The following TUBA4B variants were observed in gnomAD, a reference collection of about 807,000 sequenced individuals.
TUBA4B encodes the protein tubulin-like protein alpha-4B.
TUBA4B carries 13 observed loss-of-function variants against 18.4 expected under a neutral mutation model. The ratio of observed to expected loss-of-function variants is 0.71; its 90% CI spans 0.46 to 1.12. The LOEUF (loss-of-function observed/expected upper bound fraction) is 1.12, where lower values mean the gene tolerates loss of function less well. TUBA4B is among the 50% of genes most tolerant of loss of function. TUBA4B has a pLI of 0.00. For missense variants in TUBA4B, 244 were observed against 250.0 expected, an observed-to-expected ratio of 0.98 and a Z score of 0.16; for synonymous variants, 101 against 99.1, an observed-to-expected ratio of 1.02 and a Z score of -0.11.
chr2:219,253,944 T>G, intron 1 of TUBA4B: 2 of 987,508 alleles, frequency 2.0e-6, no homozygotes, highest in Non-Finnish European at 1.3e-6. Context: ...GCACCGCCCT[T>G]ATAGGCGGGG....
At chr2:219,262,805 C>G (rs1951767473) in intron 1 of TUBA4B, among the ~76,000 whole-genome samples, 1 of 152,080 alleles carries the variant, frequency 6.6e-6, no homozygotes, top group Non-Finnish European at 1.5e-5. Flanking sequence ...CTTTGGGAGG[C>G]CAAGGTGGGC....
intron 2 of TUBA4B, 37 bp from the exon 3 acceptor site, chr2:219,270,165 C>T (rs1951816706): frequency 1.4e-6 from 1 of 705,838 alleles, no homozygotes; most frequent in Non-Finnish European, 2.6e-6. Context: ...GGAGGTGGGG[C>T]CCAAAACTCT....
At chr2:219,260,607 T>C (rs1174542146) in intron 1 of TUBA4B, among the ~76,000 whole-genome samples, 1 of 152,184 alleles carries the variant, frequency 6.6e-6, no homozygotes, top group African/African-American at 2.4e-5. Flanking sequence ...CTCACCCCAC[T>C]CCCTGCCAAA....
At chr2:219,262,788 C>T (rs568067413) in intron 1 of TUBA4B, among the ~76,000 whole-genome samples, 1 of 152,240 alleles carries the variant, frequency 6.6e-6, no homozygotes, top group South Asian at 2.1e-4. Context: ...CACATGTAAT[C>T]CCAGAACTTT....
At chr2:219,261,035 C>A (rs1951756858) in intron 1 of TUBA4B, among the ~76,000 whole-genome samples, 2 of 152,102 alleles carry the variant, frequency 1.3e-5, no homozygotes. Context: ...CTCTCTCTCT[C>A]TCTCTCCTCT....
chr2:219,259,180 C>T (rs990220855), intron 1 of TUBA4B, among the ~76,000 whole-genome samples: 15 of 150,866 alleles, frequency 9.9e-5, no homozygotes, highest in African/African-American at 2.7e-4. Context: ...ATTATCCGGG[C>T]ATGGTGGCAG....
chr2:219,266,818 G>A (rs1012360208), intron 2 of TUBA4B, among the ~76,000 whole-genome samples: 2 of 152,154 alleles, frequency 1.3e-5, no homozygotes, highest in African/African-American at 2.4e-5. Context: ...AGGCTGAGAA[G>A]CAGGGCTGCT....
In TUBA4B at chr2:219,272,164, G is replaced by A; in HGVS notation, c.*465G>A. 1.7e-6 allele frequency: 1 copy of A among 601,836 alleles called. No homozygotes were observed. The highest frequency in any genetic ancestry group is 3.1e-6 in the Non-Finnish European group (1 of 325,904). 37.3% of individuals were successfully genotyped at this position (601,836 alleles called of 1,614,324 possible). ...AATACTAGGGGAATACTGTGTGTCT[G>A]TCCTACATAAAGTGCTGTGGCCTTA... On this transcript the variant is annotated 3_prime_UTR_variant, in exon 4 of 4. Coordinates refer to ENST00000490341, the MANE Select transcript of TUBA4B (RefSeq NM_001355221.1).
intron 1 of TUBA4B, among the ~76,000 whole-genome samples, chr2:219,257,042 G>GTTTTT (rs1559279114): frequency 9.2e-5 from 3 of 32,678 alleles, no homozygotes; most frequent in African/African-American, 2.5e-4. Flanking sequence ...ACCCATTTTG[G>GTTTTT]CTTTTTTTTT....
At chr2:219,253,893 G>A in intron 1 of TUBA4B, 2 of 1,429,218 alleles carry the variant, frequency 1.4e-6, no homozygotes, top group South Asian at 1.5e-5. Flanking sequence ...CGTTGAGTCG[G>A]GGTGACAGGT....
chr2:219,262,144 T>C (rs1951763271), intron 1 of TUBA4B, among the ~76,000 whole-genome samples: 1 of 152,118 alleles, frequency 6.6e-6, no homozygotes, highest in Non-Finnish European at 1.5e-5. Context: ...ACCCCATCTC[T>C]ACTAAAAATA....
rs61749295 is a variant in TUBA4B, at chr2:219,271,452, G to A, written c.479G>A (p.Arg160His). 6.4e-3 allele frequency: 10,390 copies of A among 1,614,022 alleles called. 503 individuals carry two copies. In the African/African-American group the frequency reaches 0.11, roughly 17 times the overall value. ...DICHCNLDIERPTYTNLNRLI... is the reference protein window; with the variant it reads ...DICHCNLDIEHPTYTNLNRLI... The stretch of plus-strand genomic sequence containing the variant: ...TGCCACTGCAACCTAGACATCGAGC[G>A]CCCAACCTACACCAACCTCAATCGC... The change falls in exon 4 of 4, where the codon CGC (arginine) becomes CAC (histidine). Residue 160 changes from arginine to histidine, a missense_variant. Arg to His is a conservative substitution (Grantham distance 29). Transcript: ENST00000490341.
At chr2:219,268,755 C>T (rs544967283) in intron 2 of TUBA4B, among the ~76,000 whole-genome samples, 1 of 152,216 alleles carries the variant, frequency 6.6e-6, no homozygotes, top group Admixed American at 6.5e-5. Flanking sequence ...AAGTCATCCT[C>T]ATTAAACAAT....
At chr2:219,261,119 G>T (rs907926264) in intron 1 of TUBA4B, among the ~76,000 whole-genome samples, 3 of 151,988 alleles carry the variant, frequency 2.0e-5, no homozygotes, top group Admixed American at 2.0e-4. Flanking sequence ...AACAATGAGG[G>T]CATGTATTAT....
intron 2 of TUBA4B, among the ~76,000 whole-genome samples, chr2:219,267,856 C>T (rs1574894020): frequency 6.6e-6 from 1 of 152,172 alleles, no homozygotes; most frequent in Non-Finnish European, 1.5e-5. Flanking sequence ...AGCCACTGCA[C>T]CCGGCCAGGG....
intron 1 of TUBA4B, among the ~76,000 whole-genome samples, chr2:219,256,839 TATAAA>T (rs1012774724): frequency 6.6e-6 from 1 of 151,960 alleles, no homozygotes; most frequent in Non-Finnish European, 1.5e-5. Flanking sequence ...AAATAAAAAT[TATAAA>T]ATAAAGAAGA....
At chr2:219,259,939 G>A (rs1033841343) in intron 1 of TUBA4B, among the ~76,000 whole-genome samples, 7 of 152,098 alleles carry the variant, frequency 4.6e-5, no homozygotes, top group African/African-American at 9.7e-5. Flanking sequence ...CACATGCTCC[G>A]CTGAGATGCT....
chr2:219,261,857 G>A (rs569895492), intron 1 of TUBA4B, among the ~76,000 whole-genome samples: 18 of 152,282 alleles, frequency 1.2e-4, no homozygotes, highest in African/African-American at 4.1e-4. Flanking sequence ...CCACCTCTAT[G>A]ATCTCATCTT....
intron 1 of TUBA4B, chr2:219,253,755 G>T: frequency 7.1e-7 from 1 of 1,417,514 alleles, no homozygotes. Flanking sequence ...CTGGAGACCC[G>T]GAACGCCCGG....
Sources: gnomAD v4.1 joint callset for allele counts (sites outside exome capture counted in the v4.1 genomes callset) on GRCh38, gnomAD v4.1.1 for gene constraint, MANE v1.5 for transcripts, NCBI Gene and HGNC (gene_info 2026-07-23, HGNC 2026-07-21) for gene names.